The following ANAPC16 variants were observed in gnomAD, a reference collection of about 807,000 sequenced individuals.
ANAPC16 encodes the protein anaphase promoting complex subunit 16.
Under a neutral mutation model 13.1 loss-of-function variants are expected in ANAPC16, and 6 were observed. The ratio of observed to expected loss-of-function variants is 0.46; its 90% CI spans 0.25 to 0.90. ANAPC16 has a LOEUF of 0.90. Among genes scored for constraint, ANAPC16 ranks in the 40% least tolerant of loss-of-function variants. The probability of loss-of-function intolerance (pLI) is 0.18; values close to 1 mark genes in which losing one functional copy is unlikely to be tolerated. For missense variants in ANAPC16, 113 were observed against 131.1 expected (o/e 0.86, Z 0.67); for synonymous variants, 55 against 51.3 (o/e 1.07, Z -0.31).
chr10:72,216,654 T>C (rs950867117), intron 1 of ANAPC16, among the ~76,000 whole-genome samples: 1 of 152,130 alleles, frequency 6.6e-6, no homozygotes, highest in Non-Finnish European at 1.5e-5. Flanking sequence ...AATAGGCATA[T>C]ATCTGTTAGA....
rs1240934199 is a variant in ANAPC16, at chr10:72,235,579, A to T, written c.*2463A>T. On this transcript the variant is annotated 3_prime_UTR_variant, in exon 4 of 4. Transcript: ENST00000299381. ...TATTCGACAGCATTTTAGTTTTTTA[A>T]TAGTACTTATTAGCATCAACCATCT... The T allele has an allele frequency of 6.6e-6, 1 of 152,222 alleles. No homozygotes were observed. The highest frequency in any genetic ancestry group is 2.4e-5 in the African/African-American group (1 of 41,454). 9.4% of individuals were successfully genotyped at this position (152,222 alleles called of 1,614,324 possible). A position where few individuals can be genotyped will look rare whatever the true frequency, so the allele number is the denominator to read the frequency against.
chr10:72,217,188 G>A (rs1253050674), intron 1 of ANAPC16: 1 of 391,716 alleles, frequency 2.6e-6, no homozygotes, highest in East Asian at 7.2e-5. Flanking sequence ...TAAAATGAAA[G>A]TGTAGGCCGG....
chr10:72,222,721 G>GT lies in ANAPC16; in HGVS notation c.-27-1167_-27-1166insT, dbSNP rs1343912193. 1.2e-4 allele frequency among the ~76,000 whole-genome samples: 19 copies of GT among 152,358 alleles called. No individual in the cohort carries two copies. In the East Asian group the frequency reaches 3.7e-3, roughly 29 times the overall value. ...GAACCTAGGAGACGGAGGTTGCGGT[G>GT]AGCCGATATCATGCCACTGCACTCT... On this transcript the variant is annotated intron_variant, in intron 1 of 3. Transcript: ENST00000299381.
At chr10:72,218,707 G>T (rs1343365587) in intron 1 of ANAPC16, among the ~76,000 whole-genome samples, 3 of 152,172 alleles carry the variant, frequency 2.0e-5, no homozygotes, top group Non-Finnish European at 4.4e-5. Context: ...ACCATCTAGG[G>T]TTTATTAGTT....
chr10:72,218,163 AAAATATATATATATATATATATATAT>A lies in ANAPC16; in HGVS notation c.-28+2027_-28+2052del, dbSNP rs1347716916. Among the ~76,000 whole-genome samples, 74 of 34,216 alleles carry A rather than the reference AAAATATATATATATATATATATATAT, an allele frequency of 2.2e-3. 4 individuals carry two copies. The highest frequency in any genetic ancestry group is 0.021 in the Middle Eastern group (1 of 48). The allele number at this position is 34,216 out of a possible 152,430, so 22.4% of individuals were successfully genotyped here. On this transcript the variant is annotated intron_variant, in intron 1 of 3. Coordinates refer to ENST00000299381, the MANE Select transcript of ANAPC16 (RefSeq NM_173473.4). ...TCTGTCTCAAAAAAAAAAAAAAAAA[AAAATATATATATATATATATATATAT>A]ATATATATATATATATATATATATA...
chr10:72,229,226 C>CT (rs1860218493), intron 2 of ANAPC16, among the ~76,000 whole-genome samples: 2 of 135,720 alleles, frequency 1.5e-5, no homozygotes, highest in East Asian at 2.1e-4. Context: ...TTTTCTTTTT[C>CT]TCTTTTTTTT....
At position 72,234,023 on chromosome 10, in the gene ANAPC16, T is replaced by G. The variant is rs1860402134; in HGVS notation, c.*907T>G. 6.6e-6 allele frequency: 1 copy of G among 151,266 alleles called. No homozygotes were observed. Among genetic ancestry groups the G allele is most frequent in the African/African-American group, 2.4e-5 (1 of 41,078 alleles). The allele number at this position is 151,266 out of a possible 1,614,324, so 9.4% of individuals were successfully genotyped here. A position where few individuals can be genotyped will look rare whatever the true frequency, so the allele number is the denominator to read the frequency against. ...TATTTAAGTAGTTTTTTTTTTTTTT[T>G]GAGACGAAGTTTTGCTCTTGTTGCC... On this transcript the variant is annotated 3_prime_UTR_variant, in exon 4 of 4. Coordinates refer to ENST00000299381, the MANE Select transcript of ANAPC16 (RefSeq NM_173473.4).
At chr10:72,226,750 AC>A (rs1284676181) in intron 2 of ANAPC16, among the ~76,000 whole-genome samples, 1 of 152,092 alleles carries the variant, frequency 6.6e-6, no homozygotes, top group Non-Finnish European at 1.5e-5. Flanking sequence ...AAAAAGAGTT[AC>A]GGGTTAAGCC....
intron 1 of ANAPC16, chr10:72,216,966 G>A: frequency 2.2e-6 from 1 of 456,078 alleles, no homozygotes; most frequent in Non-Finnish European, 4.4e-6. Flanking sequence ...AATCCATAAT[G>A]ATCCAATACT....
chr10:72,233,249 T>C lies in ANAPC16; in HGVS notation c.*133T>C. On this transcript the variant is annotated 3_prime_UTR_variant, in exon 4 of 4. Coordinates refer to ENST00000299381, the MANE Select transcript of ANAPC16 (RefSeq NM_173473.4). Reference sequence around the variant, plus strand: ...TTAATGCACATTTGTACTTGGTTTCTCTGTATCTATTCACAGGCAACAAAT... The same window carrying C: ...TTAATGCACATTTGTACTTGGTTTCCCTGTATCTATTCACAGGCAACAAAT... 3.1e-6 allele frequency: 2 copies of C among 636,006 alleles called. No individual in the cohort carries two copies. The highest frequency in any genetic ancestry group is 3.8e-5 in the South Asian group (2 of 52,570). The allele number at this position is 636,006 out of a possible 1,614,324, so 39.4% of individuals were successfully genotyped here. A position where few individuals can be genotyped will look rare whatever the true frequency, so the allele number is the denominator to read the frequency against.
chr10:72,229,245 G>C (rs901777760), intron 2 of ANAPC16, among the ~76,000 whole-genome samples: 1 of 58,800 alleles, frequency 1.7e-5, no homozygotes, highest in Admixed American at 1.9e-4. Context: ...TTTTTTTTTT[G>C]ATCACTTTGA....
At chr10:72,224,262 A>G (rs1860044917) in intron 2 of ANAPC16, among the ~76,000 whole-genome samples, 1 of 152,140 alleles carries the variant, frequency 6.6e-6, no homozygotes, top group Non-Finnish European at 1.5e-5. Context: ...TTGGAAATCA[A>G]TGAAGTCATC....
chr10:72,232,761 G>A (rs772140515), intron 3 of ANAPC16, among the ~76,000 whole-genome samples: 10 of 151,564 alleles, frequency 6.6e-5, no homozygotes, highest in African/African-American at 1.2e-4. Context: ...ATGCCACCAC[G>A]TCCAGCTAAT....
rs144845323 is a variant in ANAPC16, at chr10:72,229,269, A to G, written c.143-1097A>G. Among the ~76,000 whole-genome samples, 259 of 148,894 alleles carry G rather than the reference A, an allele frequency of 1.7e-3. 1 individual carries two copies. Among genetic ancestry groups the G allele is most frequent in the African/African-American group, 5.8e-3 (233 of 40,272 alleles). ...TGATCACTTTGAAGATGATATTGGA[A>G]GGATGCCCTCTTGGTTATATATTCA... On this transcript the variant is annotated intron_variant, in intron 2 of 3. Coordinates refer to ENST00000299381, the MANE Select transcript of ANAPC16 (RefSeq NM_173473.4).
intron 1 of ANAPC16, among the ~76,000 whole-genome samples, chr10:72,222,520 T>C (rs1859980070): frequency 7.3e-6 from 1 of 137,722 alleles, no homozygotes; most frequent in African/African-American, 3.3e-5. Context: ...CTCATGCCTG[T>C]AATCCCAGCA....
intron 2 of ANAPC16, among the ~76,000 whole-genome samples, chr10:72,228,076 G>A (rs182101599): frequency 1.3e-5 from 2 of 151,978 alleles, no homozygotes; most frequent in Admixed American, 1.3e-4. Context: ...AGGGTTGCCT[G>A]TCAAGAGTAA....
intron 1 of ANAPC16, among the ~76,000 whole-genome samples, chr10:72,218,166 AT>A (rs1190556591): frequency 0.11 from 2,145 of 20,214 alleles, 250 homozygotes; most frequent in African/African-American, 0.22. Flanking sequence ...AAAAAAAAAA[AT>A]ATATATATAT....
rs911082747 is a variant in ANAPC16 at position 72,233,550 on chromosome 10, C to A, written c.*434C>A. The A allele has an allele frequency of 6.6e-6, 1 of 152,408 alleles. No homozygotes were observed. Among genetic ancestry groups the A allele is most frequent in the African/African-American group, 2.4e-5 (1 of 41,196 alleles). The allele number at this position is 152,408 out of a possible 1,614,324, so 9.4% of individuals were successfully genotyped here. On this transcript the variant is annotated 3_prime_UTR_variant, in exon 4 of 4. Coordinates refer to ENST00000299381, the MANE Select transcript of ANAPC16 (RefSeq NM_173473.4). ...ATTCTGACCTAAAAAAGTTATTTTG[C>A]AGATGAATGTGTTTTCAACTCAGGA... is the stretch of plus-strand genomic sequence containing the variant.
chr10:72,231,512 G>C (rs953090480), intron 3 of ANAPC16, among the ~76,000 whole-genome samples: 2 of 151,964 alleles, frequency 1.3e-5, no homozygotes, highest in Non-Finnish European at 2.9e-5. Flanking sequence ...CCCTGTCTCT[G>C]GAAAAAAATA....
Sources: allele counts gnomAD v4.1 joint callset (sites outside exome capture counted in the v4.1 genomes callset), GRCh38; gene constraint gnomAD v4.1.1; transcripts MANE v1.5; gene names NCBI Gene and HGNC (gene_info 2026-07-23, HGNC 2026-07-21).